The following GPR137C variants were observed in gnomAD, a reference collection of about 807,000 sequenced individuals.
The protein encoded by GPR137C is integral membrane protein GPR137C.
A neutral mutation model predicts 43.4 loss-of-function variants in GPR137C; 27 were observed. The ratio of observed to expected loss-of-function variants is 0.62; its 90% CI spans 0.46 to 0.86. GPR137C has a LOEUF of 0.86. Among genes scored for constraint, GPR137C ranks in the 40% least tolerant of loss-of-function variants. The probability of loss-of-function intolerance (pLI) is 0.00; values close to 1 mark genes in which losing one functional copy is unlikely to be tolerated. For missense variants in GPR137C, 522 were observed against 534.6 expected (o/e 0.98, Z 0.23); for synonymous variants, 285 against 226.9 (o/e 1.26, Z -2.30).
intron 3 of GPR137C, among the ~76,000 whole-genome samples, chr14:52,631,321 C>G (rs1269097415): frequency 2.0e-5 from 3 of 152,092 alleles, no homozygotes; most frequent in Non-Finnish European, 4.4e-5. Context: ...GCACTAAATG[C>G]CATAATTGCC....
chr14:52,596,382 CAG>C (rs2038855452), intron 1 of GPR137C, among the ~76,000 whole-genome samples: 1 of 152,232 alleles, frequency 6.6e-6, no homozygotes, highest in Non-Finnish European at 1.5e-5. Context: ...TTTAAGTCTG[CAG>C]AAGTTGTCTG....
intron 1 of GPR137C, among the ~76,000 whole-genome samples, chr14:52,593,519 A>G (rs961611523): frequency 1.9e-4 from 29 of 152,046 alleles, no homozygotes; most frequent in Non-Finnish European, 4.1e-4. Context: ...CCTGTTATTG[A>G]TCTATTCAGA....
At chr14:52,593,464 C>A (rs964974274) in intron 1 of GPR137C, among the ~76,000 whole-genome samples, 2 of 152,034 alleles carry the variant, frequency 1.3e-5, no homozygotes, top group African/African-American at 4.8e-5. Context: ...TGGTCCTGGA[C>A]GTTTTTTGGT....
intron 1 of GPR137C, among the ~76,000 whole-genome samples, chr14:52,561,909 G>A (rs1402729350): frequency 3.3e-5 from 5 of 152,174 alleles, no homozygotes; most frequent in Non-Finnish European, 7.3e-5. Flanking sequence ...TTCAAAGGTT[G>A]TACAGCTTTC....
chr14:52,559,635 G>C (rs1408397899), intron 1 of GPR137C, among the ~76,000 whole-genome samples: 1 of 152,090 alleles, frequency 6.6e-6, no homozygotes, highest in Non-Finnish European at 1.5e-5. Flanking sequence ...CCTAGGAGAA[G>C]AACAAAGTAC....
chr14:52,632,398 C>A, intron 4 of GPR137C, 89 bp downstream of exon 4: 1 of 905,346 alleles, frequency 1.1e-6, no homozygotes, highest in Non-Finnish European at 1.7e-6. Context: ...GACTTACAAA[C>A]ACATTTATGG....
intron 2 of GPR137C, among the ~76,000 whole-genome samples, chr14:52,599,653 C>T (rs1368283944): frequency 6.6e-6 from 1 of 152,036 alleles, no homozygotes; most frequent in Non-Finnish European, 1.5e-5. Context: ...AGGCTGGTCT[C>T]GAACTCCTGG....
chr14:52,612,601 A>T, intron 3 of GPR137C: 1 of 760,388 alleles, frequency 1.3e-6, no homozygotes, highest in Non-Finnish European at 1.6e-6. Flanking sequence ...TCACTGTGTC[A>T]CCCAGGCTGG....
intron 1 of GPR137C, among the ~76,000 whole-genome samples, chr14:52,571,269 A>G (rs890639221): frequency 2.0e-5 from 3 of 152,232 alleles, no homozygotes; most frequent in African/African-American, 7.2e-5. Flanking sequence ...GCAGAAGTGA[A>G]TAAGTTCTTT....
At chr14:52,633,478 T>C in intron 4 of GPR137C, 52 bp from the exon 5 acceptor site, 1 of 1,542,050 alleles carries the variant, frequency 6.5e-7, no homozygotes, top group Non-Finnish European at 8.9e-7. Context: ...GTGGAGGTGA[T>C]TGCTTATACA....
At chr14:52,569,855 CT>C (rs2038437092) in intron 1 of GPR137C, among the ~76,000 whole-genome samples, 1 of 151,950 alleles carries the variant, frequency 6.6e-6, no homozygotes, top group Non-Finnish European at 1.5e-5. Context: ...TGAAAACACT[CT>C]TCAGGATATT....
At position 52,571,642 on chromosome 14, in the gene GPR137C, C is replaced by G. The variant is rs117440089; in HGVS notation, c.444+18051C>G. 3.6e-3 allele frequency among the ~76,000 whole-genome samples: 541 copies of G among 152,066 alleles called. 24 individuals carry two copies. In the East Asian group the frequency reaches 0.094, roughly 26 times the overall value. On this transcript the variant is annotated intron_variant, in intron 1 of 6. Transcript: ENST00000321662. Reference sequence around the variant, plus strand: ...TGAGCCAAGATTGCGCCATTGCACTCCAGGGGGCCGTGTGAGACTCCATCT... The same window carrying G: ...TGAGCCAAGATTGCGCCATTGCACTGCAGGGGGCCGTGTGAGACTCCATCT...
At chr14:52,633,490 T>C in intron 4 of GPR137C, 40 bp from the exon 5 acceptor site, 1 of 1,593,084 alleles carries the variant, frequency 6.3e-7, no homozygotes, top group Non-Finnish European at 8.6e-7. Flanking sequence ...GCTTATACAA[T>C]AAACAGATGT....
At chr14:52,589,021 G>A (rs1048737566) in intron 1 of GPR137C, among the ~76,000 whole-genome samples, 1 of 152,156 alleles carries the variant, frequency 6.6e-6, no homozygotes, top group African/African-American at 2.4e-5. Context: ...GCAAAATGTG[G>A]TACACACATG....
intron 1 of GPR137C, among the ~76,000 whole-genome samples, chr14:52,560,291 A>C (rs1433830916): frequency 6.6e-6 from 1 of 152,230 alleles, no homozygotes; most frequent in Non-Finnish European, 1.5e-5. Context: ...GTGAGTGGAA[A>C]AATATACCCT....
At chr14:52,608,706 T>C (rs1425691095) in intron 3 of GPR137C, among the ~76,000 whole-genome samples, 1 of 152,034 alleles carries the variant, frequency 6.6e-6, no homozygotes, top group Non-Finnish European at 1.5e-5. Context: ...TAGAGTATTC[T>C]TAGAAGGCTT....
intron 1 of GPR137C, among the ~76,000 whole-genome samples, chr14:52,567,427 A>G (rs1483777335): frequency 6.6e-6 from 1 of 152,184 alleles, no homozygotes; most frequent in South Asian, 2.1e-4. Context: ...CACTTTTTCT[A>G]ATTTATGGTA....
At chr14:52,618,551 G>A (rs1045752034) in intron 3 of GPR137C, among the ~76,000 whole-genome samples, 1 of 151,808 alleles carries the variant, frequency 6.6e-6, no homozygotes, top group Non-Finnish European at 1.5e-5. Flanking sequence ...TTTTGTTGCT[G>A]TTTGATTTGC....
intron 1 of GPR137C, among the ~76,000 whole-genome samples, chr14:52,574,426 G>T (rs908007751): frequency 6.6e-6 from 1 of 152,104 alleles, no homozygotes; most frequent in Non-Finnish European, 1.5e-5. Flanking sequence ...CAGGGACATG[G>T]ATGAAGCTGG....
Sources: allele counts gnomAD v4.1 joint callset (sites outside exome capture counted in the v4.1 genomes callset), GRCh38; gene constraint gnomAD v4.1.1; transcripts MANE v1.5; gene names NCBI Gene and HGNC (gene_info 2026-07-23, HGNC 2026-07-21).